The following PTPRB variants were observed in gnomAD, a reference collection of about 807,000 sequenced individuals.
PTPRB encodes receptor-type tyrosine-protein phosphatase beta.
PTPRB carries 97 observed loss-of-function variants against 238.1 expected under a neutral mutation model. The ratio of observed to expected loss-of-function variants is 0.41; its 90% CI spans 0.35 to 0.48. PTPRB has a LOEUF of 0.48. Ranked by LOEUF, PTPRB falls within the 20% of genes least tolerant of loss-of-function variation. The pLI is 0.30. For synonymous variants in PTPRB, 970 were observed against 995.4 expected (o/e 0.97, Z 0.48); for missense variants, 2,292 against 2,681.9 (o/e 0.85, Z 3.21).
chr12:70,603,806 C>T (rs182109582), intron 4 of PTPRB, among the ~76,000 whole-genome samples: 1 of 152,172 alleles, frequency 6.6e-6, no homozygotes, highest in East Asian at 1.9e-4. Context: ...AATAACTTGC[C>T]CAAAATAACG....
chr12:70,534,416 T>C (rs1321909885), intron 31 of PTPRB, 72 bp downstream of exon 31: 26 of 1,511,910 alleles, frequency 1.7e-5, no homozygotes, highest in Non-Finnish European at 2.1e-5. Flanking sequence ...CCCATGCTTA[T>C]GTATTTTTCC....
intron 2 of PTPRB, among the ~76,000 whole-genome samples, chr12:70,630,006 T>C (rs1432863333): frequency 6.6e-6 from 1 of 152,184 alleles, no homozygotes; most frequent in East Asian, 1.9e-4. Flanking sequence ...AGCCGAATTC[T>C]ACCAGAGGTA....
Position 70,519,548 on chromosome 12 carries a change from G to A in PTPRB, c.*1941C>T, listed in dbSNP as rs1495340. ...AAGTTTTCTGAGTGAATGAAAAGTC[G>A]AAAATGAATGTATCCTTCCAAGCAT... is the stretch of plus-strand genomic sequence containing the variant. On this transcript the variant is annotated 3_prime_UTR_variant, in exon 34 of 34. Coordinates refer to ENST00000334414, the MANE Select transcript of PTPRB (RefSeq NM_001109754.4). 53,879 of 152,068 alleles carry A rather than the reference G, an allele frequency of 0.35. 9,846 individuals carry two copies. Among genetic ancestry groups the A allele is most frequent in the East Asian group, 0.53 (2,754 of 5,176 alleles). The allele number at this position is 152,068 out of a possible 1,614,324, so 9.4% of individuals were successfully genotyped here. A position where few individuals can be genotyped will look rare whatever the true frequency, so the allele number is the denominator to read the frequency against.
chr12:70,592,493 AGAGGT>A lies in PTPRB; in HGVS notation c.1564_1568del (p.Thr522SerfsTer37). ...GAGGTCTTTGCCATTTGACTTTTAGAGAGGTCAAACTGCCATCATTTGTCACCTTC... is the reference window on the plus strand; with the variant it reads ...GAGGTCTTTGCCATTTGACTTTTAGACAAACTGCCATCATTTGTCACCTTC... On this transcript the variant is annotated frameshift_variant, in exon 7 of 34. Transcript: ENST00000334414. LOFTEE classifies it high-confidence loss of function. The A allele has an allele frequency of 6.2e-7, 1 of 1,613,878 alleles. No homozygotes were observed. The highest frequency in any genetic ancestry group is 8.5e-7 in the Non-Finnish European group (1 of 1,179,826).
intron 32 of PTPRB, among the ~76,000 whole-genome samples, chr12:70,527,475 C>T (rs1050477509): frequency 6.6e-6 from 1 of 152,064 alleles, no homozygotes; most frequent in South Asian, 2.1e-4. Context: ...ACCTGAGGTC[C>T]TTAGTCCTAC....
intron 3 of PTPRB, among the ~76,000 whole-genome samples, chr12:70,612,011 G>A (rs1321184130): frequency 1.3e-5 from 2 of 152,014 alleles, no homozygotes; most frequent in Non-Finnish European, 1.5e-5. Context: ...GCAACATTAT[G>A]TTTTTCTTCT....
Position 70,533,531 on chromosome 12 carries a change from A to AAAGAG in PTPRB, c.6368+952_6368+956dup, listed in dbSNP as rs770438946. 2.6e-5 allele frequency among the ~76,000 whole-genome samples: 4 copies of AAAGAG among 152,236 alleles called. No individual in the cohort carries two copies. In the East Asian group the frequency reaches 7.7e-4, roughly 29 times the overall value. ...GTTGATTTTCTGGACAGACTGAAGCAAAGAGAAATCAAGAGAACAAATTTA... is the reference window on the plus strand; with the variant it reads ...GTTGATTTTCTGGACAGACTGAAGCAAAGAGAAGAGAAATCAAGAGAACAAATTTA... On this transcript the variant is annotated intron_variant, in intron 31 of 33. Transcript: ENST00000334414.
In PTPRB at chr12:70,571,020, C is replaced by T. The variant is rs372112249; in HGVS notation, c.3370+6G>A. On this transcript the variant is annotated splice_donor_region_variant and intron_variant, in intron 13 of 33. Transcript: ENST00000334414. ...ATTCAGGTTCAAGAACAGTATTTCA[C>T]ATTACCTGTGAAGCCCTCAATGAAG... 6 of 1,613,556 alleles carry T rather than the reference C, an allele frequency of 3.7e-6. No homozygotes were observed. In the African/African-American group the frequency reaches 8.0e-5, roughly 22 times the overall value.
At chr12:70,540,678 A>G (rs1874931337) in intron 23 of PTPRB, 180 bp downstream of exon 23, 1 of 587,606 alleles carries the variant, frequency 1.7e-6, no homozygotes, top group Admixed American at 3.0e-5. Context: ...ATGGGATATA[A>G]AAGAGCTGAG....
intron 8 of PTPRB, among the ~76,000 whole-genome samples, chr12:70,588,215 A>G (rs1221681462): frequency 6.6e-6 from 1 of 152,226 alleles, no homozygotes; most frequent in Admixed American, 6.5e-5. Context: ...TAAATTTTCT[A>G]TAAATCCATT....
At chr12:70,626,069 T>G (rs1463192785) in intron 2 of PTPRB, among the ~76,000 whole-genome samples, 1 of 152,114 alleles carries the variant, frequency 6.6e-6, no homozygotes, top group African/African-American at 2.4e-5. Flanking sequence ...ATATATTGTG[T>G]AAGTTTCCCT....
intron 10 of PTPRB, 110 bp downstream of exon 10, chr12:70,580,926 G>T: frequency 7.8e-7 from 1 of 1,277,546 alleles, no homozygotes; most frequent in Admixed American, 2.9e-5. Flanking sequence ...CTTAGCTTTT[G>T]TAAAGGCCAG....
At position 70,572,222 on chromosome 12, in the gene PTPRB, A is replaced by G. The variant is rs181488809; in HGVS notation, c.2843-135T>C. On this transcript the variant is annotated intron_variant, in intron 11 of 33. Transcript: ENST00000334414. Reference sequence around the variant, plus strand: ...ATTTAAAAGAAAAATCTTAGACCTTAGGTTACAAATTTCTGGAGGGGAAAG... The same window carrying G: ...ATTTAAAAGAAAAATCTTAGACCTTGGGTTACAAATTTCTGGAGGGGAAAG... 1,030 of 927,410 alleles carry G rather than the reference A, an allele frequency of 1.1e-3. 21 individuals carry two copies. The Admixed American group carries it at 0.024, about 22-fold the overall frequency. 57.4% of individuals were successfully genotyped at this position (927,410 alleles called of 1,614,324 possible).
chr12:70,531,306 A>ATTTT (rs35411048), intron 32 of PTPRB, among the ~76,000 whole-genome samples: 6 of 149,058 alleles, frequency 4.0e-5, no homozygotes, highest in African/African-American at 1.5e-4. Flanking sequence ...CCAACCATGG[A>ATTTT]TTTTTTTTTT....
intron 2 of PTPRB, among the ~76,000 whole-genome samples, chr12:70,629,820 C>T (rs920098526): frequency 1.2e-4 from 18 of 152,192 alleles, no homozygotes; most frequent in African/African-American, 4.3e-4. Flanking sequence ...ATAAACACCT[C>T]TATGCAAATA....
At chr12:70,598,341 G>T (rs1281917288) in intron 4 of PTPRB, among the ~76,000 whole-genome samples, 2 of 152,182 alleles carry the variant, frequency 1.3e-5, no homozygotes, top group Non-Finnish European at 2.9e-5. Context: ...CACGTAGTAA[G>T]TACTCAGTGT....
rs1422111699 is a variant in PTPRB, at chr12:70,622,621, C to T, written c.477G>A (p.Val159=). Residue 159 remains valine, a synonymous_variant, in exon 3 of 34, where the codon GTG becomes GTA. Coordinates refer to ENST00000334414, the MANE Select transcript of PTPRB (RefSeq NM_001109754.4). The part of the protein sequence containing the change: ...QKAGLGAEVS[V]RSTRNTAPPQ... ...GTGGAGCCGTGTTTCTAGTGCTCCT[C>T]ACCGAAACTTCTGCTCCCAGGCCAG... 6.3e-7 allele frequency: 1 copy of T among 1,576,798 alleles called. No homozygotes were observed.
intron 16 of PTPRB, among the ~76,000 whole-genome samples, chr12:70,561,944 C>T (rs1010368852): frequency 1.9e-4 from 29 of 152,170 alleles, no homozygotes; most frequent in African/African-American, 7.0e-4. Context: ...CACAGAAGAG[C>T]ACCTAAAACT....
chr12:70,591,101 A>ATT (rs55873756), intron 7 of PTPRB, among the ~76,000 whole-genome samples: 5 of 137,428 alleles, frequency 3.6e-5, no homozygotes, highest in East Asian at 2.1e-4. Flanking sequence ...CAGCTAATTA[A>ATT]TTTTTTTTTT....
Sources: allele counts gnomAD v4.1 joint callset (sites outside exome capture counted in the v4.1 genomes callset), GRCh38; gene constraint gnomAD v4.1.1; transcripts MANE v1.5; gene names NCBI Gene and HGNC (gene_info 2026-07-23, HGNC 2026-07-21).